The following NEMF variants were observed in gnomAD, a reference collection of about 807,000 sequenced individuals.
NEMF encodes nuclear export mediator factor.
A neutral mutation model predicts 162.2 loss-of-function variants in NEMF; 89 were observed. The ratio of observed to expected loss-of-function variants is 0.55; its 90% CI spans 0.46 to 0.65. The LOEUF (loss-of-function observed/expected upper bound fraction) is 0.65, where lower values mean the gene tolerates loss of function less well. NEMF is among the 30% of genes least tolerant of loss of function. The pLI is 0.00. For synonymous variants in NEMF, 421 were observed against 404.5 expected, an observed-to-expected ratio of 1.04 and a Z score of -0.49; for missense variants, 1,133 against 1,261.9, an observed-to-expected ratio of 0.90 and a Z score of 1.55.
intron 3 of NEMF, chr14:49,849,484 T>C (rs1893669570): frequency 6.6e-6 from 1 of 152,242 alleles, no homozygotes; most frequent in African/African-American, 2.4e-5. Context: ...TAGACATAAC[T>C]CTGCCTGTGC....
chr14:49,797,102 A>G (rs1890724971), intron 25 of NEMF, among the ~76,000 whole-genome samples: 1 of 152,222 alleles, frequency 6.6e-6, no homozygotes. Flanking sequence ...TGAGCTTTAT[A>G]CTTCACCTCT....
In NEMF at chr14:49,800,452, A is replaced by G; in HGVS notation, c.2340T>C (p.Thr780=). 1 of 1,613,580 alleles carries G rather than the reference A, an allele frequency of 6.2e-7. No individual in the cohort carries two copies. Among genetic ancestry groups the G allele is most frequent in the East Asian group, 2.2e-5 (1 of 44,864 alleles). Residue 780 remains threonine (T), a synonymous_variant, in exon 23 of 33, where the codon ACT becomes ACC. Coordinates refer to ENST00000298310, the MANE Select transcript of NEMF (RefSeq NM_004713.6). ...EGEETLNYPD[T]TIDLSHLQPQ... ...GTTGAAGGTGAGACAAGTCAATGGT[A>G]GTATCAGGATAATTTAATGTCTCTT...
intron 12 of NEMF, 36 bp downstream of exon 12, chr14:49,829,313 T>A (rs1306725720): frequency 6.2e-7 from 1 of 1,613,422 alleles, no homozygotes; most frequent in African/African-American, 1.3e-5. Context: ...AAAGTTAACA[T>A]TTTTGAAAAA....
intron 16 of NEMF, among the ~76,000 whole-genome samples, chr14:49,818,754 C>G (rs1044297018): frequency 2.0e-5 from 3 of 151,946 alleles, no homozygotes; most frequent in African/African-American, 7.3e-5. Context: ...TCCTAAGACT[C>G]TCAGCCTATT....
chr14:49,799,774 G>T, intron 23 of NEMF, 96 bp from the exon 24 acceptor site: 1 of 1,013,584 alleles, frequency 9.9e-7, no homozygotes, highest in Non-Finnish European at 1.5e-6. Context: ...TTAAGTACTG[G>T]CAATCCAACA....
intron 4 of NEMF, chr14:49,844,731 G>A (rs367781179): frequency 0.032 from 2,277 of 70,574 alleles, 65 homozygotes; most frequent in African/African-American, 0.14. Flanking sequence ...GCACGCGCAC[G>A]CGCGCGCACA....
chr14:49,820,482 T>C (rs1891950099), intron 16 of NEMF: 2 of 456,662 alleles, frequency 4.4e-6, no homozygotes, highest in Non-Finnish European at 8.8e-6. Context: ...CAAGAGCTAA[T>C]AATCGGCTGG....
chr14:49,827,826 G>A (rs544501608), intron 15 of NEMF, among the ~76,000 whole-genome samples: 16 of 150,844 alleles, frequency 1.1e-4, no homozygotes, highest in Admixed American at 2.0e-4. Flanking sequence ...AAAAAAAAAA[G>A]GGTCACAATG....
rs1237941003 is a variant in NEMF, at chr14:49,834,882, G to T, written c.575-433C>A. Among the ~76,000 whole-genome samples, 4 of 152,188 alleles carry T rather than the reference G, an allele frequency of 2.6e-5. No individual in the cohort carries two copies. The East Asian group carries it at 7.7e-4, about 29-fold the overall frequency. ...TGAAAACAATAAGTTTACTTATTTT[G>T]AAGTGTTACTTAGAAATGACAATTC... On this transcript the variant is annotated intron_variant, in intron 6 of 32. Transcript: ENST00000298310.
chr14:49,809,837 G>C (rs1891387555), intron 18 of NEMF, among the ~76,000 whole-genome samples: 1 of 151,998 alleles, frequency 6.6e-6, no homozygotes, highest in South Asian at 2.1e-4. Context: ...CTCCAGGCTG[G>C]GCAACAGAGC....
chr14:49,811,183 T>C (rs1891462145), intron 18 of NEMF, among the ~76,000 whole-genome samples: 2 of 152,216 alleles, frequency 1.3e-5, no homozygotes, highest in African/African-American at 4.8e-5. Flanking sequence ...GTAAATTGAT[T>C]CCTAAGTATT....
At chr14:49,792,593 G>A (rs1164239743) in intron 26 of NEMF, among the ~76,000 whole-genome samples, 1 of 152,104 alleles carries the variant, frequency 6.6e-6, no homozygotes, top group Non-Finnish European at 1.5e-5. Flanking sequence ...CTGGTATAAT[G>A]TAAACACAAA....
chr14:49,845,888 T>C (rs1893475271), intron 4 of NEMF: 1 of 512,698 alleles, frequency 2.0e-6, no homozygotes. Flanking sequence ...CCAAATAATT[T>C]ACTTCTCAGA....
intron 5 of NEMF, among the ~76,000 whole-genome samples, chr14:49,839,142 A>G (rs1009656970): frequency 1.3e-4 from 20 of 151,644 alleles, no homozygotes; most frequent in African/African-American, 4.8e-4. Context: ...CAATGGCGCA[A>G]TCTCAGCTCA....
At chr14:49,784,818 T>C (rs1890084161) in intron 32 of NEMF, 105 bp from the exon 33 acceptor site, 3 of 1,400,982 alleles carry the variant, frequency 2.1e-6, no homozygotes, top group Admixed American at 1.8e-5. Context: ...TGAGATGGTT[T>C]TACTGCTTCT....
chr14:49,789,307 C>G lies in NEMF; in HGVS notation c.2734G>C (p.Gly912Arg). 1 of 1,614,114 alleles carries G rather than the reference C, an allele frequency of 6.2e-7. No individual in the cohort carries two copies. Among genetic ancestry groups the G allele is most frequent in the Non-Finnish European group, 8.5e-7 (1 of 1,180,024 alleles). The change falls in exon 28 of 33, where the codon GGG becomes CGG. Residue 912 changes from glycine to arginine, a missense_variant. Transcript: ENST00000298310. ...TCGTCCTTTGTTTTTCCTTTCTTCCCCTTCTTCCCTTTTTCTTCTTTGTTT... is the reference window on the plus strand; with the variant it reads ...TCGTCCTTTGTTTTTCCTTTCTTCCGCTTCTTCCCTTTTTCTTCTTTGTTT... Reference protein sequence around the residue: ...GSNKEEKGKKGKKGKTKDEPV... With the variant: ...GSNKEEKGKKRKKGKTKDEPV...
intron 4 of NEMF, among the ~76,000 whole-genome samples, chr14:49,845,784 T>C (rs1166377296): frequency 6.6e-6 from 1 of 152,242 alleles, no homozygotes; most frequent in East Asian, 1.9e-4. Context: ...ATGCAGTCTG[T>C]TGTTGACTGA....
intron 26 of NEMF, among the ~76,000 whole-genome samples, chr14:49,790,380 A>C (rs556333030): frequency 3.7e-4 from 57 of 152,362 alleles, no homozygotes; most frequent in African/African-American, 1.3e-3. Flanking sequence ...TAAAATAGGC[A>C]CTTCGAAAGA....
At chr14:49,843,738 T>C (rs1054268178) in intron 4 of NEMF, among the ~76,000 whole-genome samples, 2 of 152,196 alleles carry the variant, frequency 1.3e-5, no homozygotes, top group African/African-American at 4.8e-5. Flanking sequence ...TGTAATACAA[T>C]AGCAAGTATT....
Sources: gnomAD v4.1 joint callset for allele counts (sites outside exome capture counted in the v4.1 genomes callset) on GRCh38, gnomAD v4.1.1 for gene constraint, MANE v1.5 for transcripts, NCBI Gene and HGNC (gene_info 2026-07-23, HGNC 2026-07-21) for gene names.